The following SEMA3C variants were observed in gnomAD, a reference collection of about 807,000 sequenced individuals.
SEMA3C encodes semaphorin 3C.
In SEMA3C, 47 loss-of-function variants were observed where a neutral mutation model predicts 89.4. The observed-to-expected ratio is 0.53, with a 90% CI of 0.42 to 0.67. The LOEUF (loss-of-function observed/expected upper bound fraction) is 0.67. Among genes scored for constraint, SEMA3C ranks in the 30% least tolerant of loss-of-function variants. The pLI is 0.00. For synonymous variants in SEMA3C, 310 were observed against 320.2 expected (o/e 0.97, Z 0.34); for missense variants, 839 against 929.1 (o/e 0.90, Z 1.26).
At chr7:80,872,133 G>GT (rs1327767119) in intron 2 of SEMA3C, among the ~76,000 whole-genome samples, 2 of 151,940 alleles carry the variant, frequency 1.3e-5, no homozygotes, top group South Asian at 2.1e-4. Flanking sequence ...AATATTTTAC[G>GT]TTTTTCTCAG....
At chr7:80,917,534 G>A (rs955688515) in intron 1 of SEMA3C, among the ~76,000 whole-genome samples, 13 of 152,126 alleles carry the variant, frequency 8.5e-5, no homozygotes, top group African/African-American at 3.1e-4. Context: ...ACCAGAATGT[G>A]GGCTGTCAAA....
chr7:80,774,217 T>C (rs1010310470), intron 12 of SEMA3C, among the ~76,000 whole-genome samples: 1 of 152,112 alleles, frequency 6.6e-6, no homozygotes, highest in African/African-American at 2.4e-5. Context: ...AAGTGCTTGC[T>C]ATAATAAGAA....
At chr7:80,779,619 C>T (rs1016147003) in intron 12 of SEMA3C, among the ~76,000 whole-genome samples, 6 of 152,182 alleles carry the variant, frequency 3.9e-5, no homozygotes, top group Non-Finnish European at 8.8e-5. Context: ...GTATCCTCTA[C>T]ATCATCGTGA....
intron 2 of SEMA3C, among the ~76,000 whole-genome samples, chr7:80,894,517 A>T: frequency 6.6e-6 from 1 of 152,258 alleles, no homozygotes; most frequent in South Asian, 2.1e-4. Context: ...TGCTCCAAAG[A>T]AGCTGTTTCC....
intron 2 of SEMA3C, among the ~76,000 whole-genome samples, chr7:80,862,598 A>T (rs998530750): frequency 6.6e-6 from 1 of 152,176 alleles, no homozygotes; most frequent in Non-Finnish European, 1.5e-5. Context: ...CACAATTCTA[A>T]AATTCACATG....
chr7:80,768,690 A>T (rs1283329585), intron 12 of SEMA3C, among the ~76,000 whole-genome samples: 1 of 152,156 alleles, frequency 6.6e-6, no homozygotes, highest in African/African-American at 2.4e-5. Flanking sequence ...TTCTATTAAC[A>T]ACCTATTGGA....
intron 5 of SEMA3C, among the ~76,000 whole-genome samples, chr7:80,811,427 G>A (rs975690292): frequency 1.3e-5 from 2 of 152,082 alleles, no homozygotes; most frequent in African/African-American, 4.8e-5. Context: ...GAAGAGAGAA[G>A]ACTATAGATT....
At position 80,873,212 on chromosome 7, in the gene SEMA3C, CACTGTGGTGAG is replaced by C. The variant is rs200561983; in HGVS notation, c.103+43456_103+43466del. On this transcript the variant is annotated intron_variant, in intron 2 of 17. Coordinates refer to ENST00000265361, the MANE Select transcript of SEMA3C (RefSeq NM_006379.5). ...GAAAAATGGAGAACTTGAAGAGAGC[CACTGTGGTGAG>C]ACTGTGGTGAGCAGGGAAAAGTGTG... 3.5e-3 allele frequency among the ~76,000 whole-genome samples: 532 copies of C among 152,224 alleles called. 10 individuals carry two copies. Among genetic ancestry groups the C allele is most frequent in the East Asian group, 0.034 (177 of 5,168 alleles).
At position 80,866,194 on chromosome 7, in the gene SEMA3C, G is replaced by A. The variant is rs184474301; in HGVS notation, c.104-37449C>T. On this transcript the variant is annotated intron_variant, in intron 2 of 17. Coordinates refer to ENST00000265361, the MANE Select transcript of SEMA3C (RefSeq NM_006379.5). ...AATCACAGATTTAATTTGCATATAA[G>A]GAAACTGATTCTCAGGGAAGTTAAG... Among the ~76,000 whole-genome samples the A allele has an allele frequency of 1.9e-4, 29 of 152,122 alleles. No individual in the cohort carries two copies. In the East Asian group the frequency reaches 4.4e-3, roughly 23 times the overall value.
chr7:80,820,995 G>T lies in SEMA3C; in HGVS notation c.328-2577C>A, dbSNP rs139039235. On this transcript the variant is annotated intron_variant, in intron 4 of 17. Coordinates refer to ENST00000265361, the MANE Select transcript of SEMA3C (RefSeq NM_006379.5). The stretch of plus-strand genomic sequence containing the variant: ...CATGAATTACTGGTATTGGTAAAAT[G>T]AAAGAAGTCAATAACATCTCGTTTA... Among the ~76,000 whole-genome samples, 22 of 152,226 alleles carry T rather than the reference G, an allele frequency of 1.4e-4. No homozygotes were observed. The East Asian group carries it at 4.2e-3, about 29-fold the overall frequency.
At chr7:80,872,569 C>G (rs1014716405) in intron 2 of SEMA3C, among the ~76,000 whole-genome samples, 1 of 151,682 alleles carries the variant, frequency 6.6e-6, no homozygotes, top group African/African-American at 2.4e-5. Flanking sequence ...TTTGGGAGGT[C>G]GAGGGGGGCG....
chr7:80,744,777 G>T lies in SEMA3C; in HGVS notation c.*117C>A. On this transcript the variant is annotated 3_prime_UTR_variant, in exon 18 of 18. Transcript: ENST00000265361. The stretch of plus-strand genomic sequence containing the variant: ...TCAGTTCGTGTAAAACTCACTTCAG[G>T]AGTAATCACCTTTTTCAGTAATTCC... The T allele has an allele frequency of 8.7e-7, 1 of 1,144,278 alleles. No homozygotes were observed. Among genetic ancestry groups the T allele is most frequent in the South Asian group, 1.3e-5 (1 of 75,476 alleles). 70.9% of individuals were successfully genotyped at this position (1,144,278 alleles called of 1,614,324 possible). A position where few individuals can be genotyped will look rare whatever the true frequency, so the allele number is the denominator to read the frequency against.
At chr7:80,766,732 T>G (rs2117063359) in intron 12 of SEMA3C, among the ~76,000 whole-genome samples, 1 of 152,312 alleles carries the variant, frequency 6.6e-6, no homozygotes, top group Admixed American at 6.5e-5. Context: ...TGGAAACACC[T>G]GAAACTGGTG....
intron 4 of SEMA3C, among the ~76,000 whole-genome samples, chr7:80,823,907 G>C (rs977236126): frequency 2.6e-5 from 4 of 152,110 alleles, no homozygotes; most frequent in African/African-American, 9.7e-5. Flanking sequence ...GTAGGAATGT[G>C]AGTACATAGG....
chr7:80,837,982 A>G (rs1790171919), intron 2 of SEMA3C, among the ~76,000 whole-genome samples: 1 of 152,166 alleles, frequency 6.6e-6, no homozygotes, highest in Non-Finnish European at 1.5e-5. Flanking sequence ...GTCTTTGTTC[A>G]TTCACATTCT....
rs146378575 is a variant in SEMA3C, at chr7:80,744,914, T to C, written c.2236A>G (p.Asn746Asp). The part of the protein sequence containing the change: ...INSRKSRNRR[N>D]QLPES ...AAATATTATGACTCTGGCAACTGAT[T>C]CCTCCTGTTTCTACTTTTCCGACTA... The change falls in exon 18 of 18, where the codon AAT becomes GAT. Residue 746 changes from asparagine to aspartate, a missense_variant. Physicochemically the swap from Asn to Asp is conservative, Grantham distance 23. Transcript: ENST00000265361. The C allele has an allele frequency of 7.5e-5, 121 of 1,614,084 alleles. No homozygotes were observed. The African/African-American group carries it at 1.3e-3, about 17-fold the overall frequency.
chr7:80,765,350 T>C, intron 12 of SEMA3C, 107 bp from the exon 13 acceptor site: 1 of 774,470 alleles, frequency 1.3e-6, no homozygotes, highest in African/African-American at 1.8e-5. Context: ...TATTTAGTAA[T>C]CAAAAAACAT....
At chr7:80,911,616 C>CA (rs1222259112) in intron 2 of SEMA3C, among the ~76,000 whole-genome samples, 2 of 140,986 alleles carry the variant, frequency 1.4e-5, no homozygotes, top group Admixed American at 7.1e-5. Flanking sequence ...AGAATAGGAC[C>CA]TTTTTTTTTT....
chr7:80,910,783 G>A (rs1323376798), intron 2 of SEMA3C, among the ~76,000 whole-genome samples: 1 of 148,334 alleles, frequency 6.7e-6, no homozygotes, highest in Admixed American at 6.7e-5. Context: ...AGATGTTTAT[G>A]AAAGAAAAAA....
Sources: allele counts gnomAD v4.1 joint callset (sites outside exome capture counted in the v4.1 genomes callset), GRCh38; gene constraint gnomAD v4.1.1; transcripts MANE v1.5; gene names NCBI Gene and HGNC (gene_info 2026-07-23, HGNC 2026-07-21).